The following CHL1 variants were observed in gnomAD, a reference collection of about 807,000 sequenced individuals.
CHL1 encodes the protein neural cell adhesion molecule L1-like protein.
CHL1 carries 96 observed loss-of-function variants against 141.9 expected under a neutral mutation model. The observed-to-expected ratio is 0.68, with a 90% CI of 0.57 to 0.80. The LOEUF (loss-of-function observed/expected upper bound fraction) is 0.80. Among genes scored for constraint, CHL1 ranks in the 30% least tolerant of loss-of-function variants. CHL1 has a pLI of 0.00. For synonymous variants in CHL1, 613 were observed against 502.2 expected (o/e 1.22, Z -2.95); for missense variants, 1,820 against 1,457.2 (o/e 1.25, Z -4.05).
intron 25 of CHL1, 112 bp downstream of exon 25, chr3:398,497 G>T: frequency 3.4e-6 from 2 of 589,044 alleles, no homozygotes; most frequent in Admixed American, 3.0e-5. Context: ...TATTAATTAT[G>T]AAAATCGTAA....
At chr3:383,597 A>G (rs1036439202) in intron 18 of CHL1, among the ~76,000 whole-genome samples, 19 of 152,160 alleles carry the variant, frequency 1.2e-4, no homozygotes, top group Non-Finnish European at 2.5e-4. Flanking sequence ...TCTCCACTGG[A>G]TAATAATTAT....
At chr3:224,327 A>G (rs1267040463) in intron 1 of CHL1, among the ~76,000 whole-genome samples, 1 of 152,196 alleles carries the variant, frequency 6.6e-6, no homozygotes, top group African/African-American at 2.4e-5. Context: ...GGAGTCAGCT[A>G]TGTCAGATTT....
At position 290,767 on chromosome 3, in the gene CHL1, C is replaced by CA; in HGVS notation, c.-94-28911dup. Among the ~76,000 whole-genome samples, 3 of 151,954 alleles carry CA rather than the reference C, an allele frequency of 2.0e-5. No individual in the cohort carries two copies. In the South Asian group the frequency reaches 6.2e-4, roughly 32 times the overall value. On this transcript the variant is annotated intron_variant, in intron 2 of 27. Transcript: ENST00000256509. ...AGGTGATTGGAGCTGTAATCACACA[C>CA]AAAAAGTTGTCTATTTTAATTAGCC...
intron 1 of CHL1, among the ~76,000 whole-genome samples, chr3:215,250 T>A (rs918612473): frequency 6.6e-6 from 1 of 152,186 alleles, no homozygotes; most frequent in African/African-American, 2.4e-5. Flanking sequence ...AATGAAATCC[T>A]GTCATTGTGG....
chr3:201,034 G>A (rs1698881412), intron 1 of CHL1, among the ~76,000 whole-genome samples: 1 of 152,166 alleles, frequency 6.6e-6, no homozygotes, highest in African/African-American at 2.4e-5. Context: ...AAGGATTTAA[G>A]TTTATCTTCT....
intron 1 of CHL1, among the ~76,000 whole-genome samples, chr3:236,758 C>G (rs1692026301): frequency 6.9e-6 from 1 of 145,530 alleles, no homozygotes; most frequent in Non-Finnish European, 1.5e-5. Flanking sequence ...CTAAAGATTT[C>G]TAATGTTTCT....
Position 398,331 on chromosome 3 carries a change from A to C in CHL1, c.3199A>C (p.Asn1067His). Residue 1067 changes from asparagine to histidine, a missense_variant, in exon 25 of 28, where the codon AAT becomes CAT. Transcript: ENST00000256509. ...AEHIVRLMTKNWGDNDSIFQD... is the reference protein window; with the variant it reads ...AEHIVRLMTKHWGDNDSIFQD... ...ACATATAGTTCGCCTAATGACTAAG[A>C]ATTGGGGCGATAATGATAGCATTTT... 1 of 1,608,038 alleles carries C rather than the reference A, an allele frequency of 6.2e-7. No individual in the cohort carries two copies. The highest frequency in any genetic ancestry group is 8.5e-7 in the Non-Finnish European group (1 of 1,174,546).
chr3:357,321 G>A (rs1703809329), intron 11 of CHL1, among the ~76,000 whole-genome samples: 1 of 152,182 alleles, frequency 6.6e-6, no homozygotes, highest in African/African-American at 2.4e-5. Context: ...AGTTTTAGAG[G>A]TTATATATCC....
chr3:305,780 G>T (rs1043288509), intron 2 of CHL1, among the ~76,000 whole-genome samples: 2 of 151,700 alleles, frequency 1.3e-5, no homozygotes, highest in African/African-American at 4.8e-5. Flanking sequence ...GGAGAAGAGG[G>T]TTGTATAATC....
intron 1 of CHL1, among the ~76,000 whole-genome samples, chr3:228,124 G>A (rs1165920619): frequency 6.6e-6 from 1 of 152,114 alleles, no homozygotes; most frequent in Admixed American, 6.5e-5. Context: ...GAAAGAACCA[G>A]GACTCAGAAG....
Position 405,615 on chromosome 3 carries a change from A to G in CHL1, c.3579A>G (p.Glu1193=). 3.7e-6 allele frequency: 6 copies of G among 1,613,536 alleles called. No homozygotes were observed. The highest frequency in any genetic ancestry group is 5.1e-6 in the Non-Finnish European group (6 of 1,179,566). Residue 1193 remains glutamate, a synonymous_variant, in exon 28 of 28, where the codon GAA becomes GAG. Transcript: ENST00000256509. ...AGGGAGACCATGGTCTCTTCAGTGAAGATGGATCATTTATTGGTGCCTACG... is the reference window on the plus strand; with the variant it reads ...AGGGAGACCATGGTCTCTTCAGTGAGGATGGATCATTTATTGGTGCCTACG... ...YGEGDHGLFS[E]DGSFIGAYAG...
intron 1 of CHL1, among the ~76,000 whole-genome samples, chr3:232,248 A>C (rs1345117101): frequency 1.3e-5 from 2 of 152,186 alleles, no homozygotes; most frequent in African/African-American, 2.4e-5. Context: ...TTTGAGTGAC[A>C]CAACTGTTTT....
chr3:365,844 G>A, intron 14 of CHL1, 106 bp from the exon 15 acceptor site: 2 of 755,202 alleles, frequency 2.6e-6, no homozygotes, highest in South Asian at 1.9e-5. Flanking sequence ...CCCTGCATGA[G>A]GATTGGACAG....
intron 5 of CHL1, among the ~76,000 whole-genome samples, chr3:335,788 G>T (rs895589760): frequency 9.9e-5 from 15 of 152,086 alleles, no homozygotes; most frequent in African/African-American, 3.4e-4. Context: ...TCAAATAATT[G>T]CACAAAGTCA....
chr3:366,433 T>C (rs1415929016), intron 15 of CHL1, among the ~76,000 whole-genome samples: 21 of 150,498 alleles, frequency 1.4e-4, no homozygotes, highest in Admixed American at 1.4e-3. Context: ...ATCACACCAC[T>C]GTACTCCAGC....
At chr3:337,977 G>C (rs1274400329) in intron 5 of CHL1, among the ~76,000 whole-genome samples, 1 of 152,164 alleles carries the variant, frequency 6.6e-6, no homozygotes, top group Non-Finnish European at 1.5e-5. Flanking sequence ...CCAGTTTACA[G>C]TCCCACCAAC....
chr3:398,939 G>A, intron 25 of CHL1, 78 bp from the exon 26 acceptor site: 1 of 1,367,994 alleles, frequency 7.3e-7, no homozygotes, highest in Non-Finnish European at 1.0e-6. Flanking sequence ...TAAAAATGAT[G>A]TCTAATTTTC....
At chr3:380,237 C>T (rs540992858) in intron 16 of CHL1, among the ~76,000 whole-genome samples, 1 of 152,238 alleles carries the variant, frequency 6.6e-6, no homozygotes, top group South Asian at 2.1e-4. Flanking sequence ...TGTTTGGACA[C>T]AGTCATGAAC....
chr3:317,337 C>T (rs1700220345), intron 2 of CHL1, among the ~76,000 whole-genome samples: 1 of 151,946 alleles, frequency 6.6e-6, no homozygotes, highest in Admixed American at 6.6e-5. Flanking sequence ...AGTGAACTTA[C>T]TGCCCTAAGT....
Sources: gnomAD v4.1 joint callset for allele counts (sites outside exome capture counted in the v4.1 genomes callset) on GRCh38, gnomAD v4.1.1 for gene constraint, MANE v1.5 for transcripts, NCBI Gene and HGNC (gene_info 2026-07-23, HGNC 2026-07-21) for gene names.